Variants in ARID1B observed in about 807,000 individuals in gnomAD.
ARID1B encodes AT-rich interactive domain-containing protein 1B.
Under a neutral mutation model 212.3 loss-of-function variants are expected in ARID1B, and 30 were observed. The ratio of observed to expected loss-of-function variants is 0.14; its 90% CI spans 0.11 to 0.19. The LOEUF (loss-of-function observed/expected upper bound fraction) is 0.19. Among genes scored for constraint, ARID1B ranks in the 10% least tolerant of loss-of-function variants. The probability of loss-of-function intolerance (pLI) is 1.00; values close to 1 mark genes in which losing one functional copy is unlikely to be tolerated. For missense variants in ARID1B, 2,891 were observed against 3,204.0 expected, an observed-to-expected ratio of 0.90 and a Z score of 2.36; for synonymous variants, 1,402 against 1,301.7, an observed-to-expected ratio of 1.08 and a Z score of -1.66.
chr6:156,917,078 C>T (rs1350587472), intron 3 of ARID1B, among the ~76,000 whole-genome samples: 1 of 152,036 alleles, frequency 6.6e-6, no homozygotes, highest in Non-Finnish European at 1.5e-5. Flanking sequence ...GCCAGAAAAA[C>T]CTTTTTCTTT....
At chr6:156,876,985 C>T (rs1786613435) in intron 2 of ARID1B, among the ~76,000 whole-genome samples, 1 of 152,090 alleles carries the variant, frequency 6.6e-6, no homozygotes, top group Non-Finnish European at 1.5e-5. Flanking sequence ...ACCTCTGCCT[C>T]GCAGGTTCAA....
Position 157,201,398 on chromosome 6 carries a change from A to G in ARID1B, c.5173A>G (p.Ile1725Val), listed in dbSNP as rs1273529067. 12 of 1,593,866 alleles carry G rather than the reference A, an allele frequency of 7.5e-6. No individual in the cohort carries two copies. In the African/African-American group the frequency reaches 8.1e-5, roughly 11 times the overall value. The change falls in exon 18 of 20, where the codon ATC becomes GTC. Residue 1725 changes from isoleucine (I) to valine (V), a missense_variant. Around this residue, in one of 7 missense-constraint regions of ARID1B, gnomAD observed 666 missense variants for 873.5 expected, o/e 0.76. Transcript: ENST00000636930. The surrounding 1 kb of genome is among the most constrained non-coding windows in gnomAD (Gnocchi z 5.2). ...VTGPPPQPPP[I>V]RREITFPPGS... ...CGGGCCACCACCCCAACCACCCCCA[A>G]TCAGAAGGGAGATCACCTTTCCTCC...
Position 157,039,674 on chromosome 6 carries a change from C to CTTCT in ARID1B, c.2248-44985_2248-44984insTTTC, listed in dbSNP as rs1166401045. On this transcript the variant is annotated intron_variant, in intron 4 of 19. Transcript: ENST00000636930. ...CCTTCCTTCCTTCCTTCCTTCCTTC[C>CTTCT]TTCCTTCCTTCCTTCCTTCCTTCTT... Among the ~76,000 whole-genome samples the CTTCT allele has an allele frequency of 3.2e-3, 248 of 76,972 alleles. 1 individual carries two copies. The highest frequency in any genetic ancestry group is 0.015 in the African/African-American group (241 of 15,952). 50.5% of individuals were successfully genotyped at this position (76,972 alleles called of 152,430 possible).
Position 157,184,252 on chromosome 6 carries a change from C to T in ARID1B, c.3736C>T (p.Arg1246Cys), listed in dbSNP as rs960166468. ...CTAGGTTAATAAAAACAAGAAGTGG[C>T]GTGAGCTGGCAACCAACCTAAACGT... is the stretch of plus-strand genomic sequence containing the variant. The part of the protein sequence containing the change: ...LAQVNKNKKW[R>C]ELATNLNVGT... Residue 1246 changes from arginine to cysteine, a missense_variant, in exon 13 of 20, where the codon CGT becomes TGT. Coordinates refer to ENST00000636930, the MANE Select transcript of ARID1B (RefSeq NM_001374828.1). 2 of 1,610,580 alleles carry T rather than the reference C, an allele frequency of 1.2e-6. No individual in the cohort carries two copies. The highest frequency in any genetic ancestry group is 2.2e-5 in the East Asian group (1 of 44,808).
intron 4 of ARID1B, among the ~76,000 whole-genome samples, chr6:156,989,159 C>T (rs1337609065): frequency 6.6e-6 from 1 of 152,116 alleles, no homozygotes; most frequent in African/African-American, 2.4e-5. Flanking sequence ...ATATTTTATT[C>T]GTATTACTCC....
chr6:157,021,042 G>A (rs1294777205), intron 4 of ARID1B, among the ~76,000 whole-genome samples: 2 of 125,966 alleles, frequency 1.6e-5, no homozygotes, highest in Non-Finnish European at 3.2e-5. Flanking sequence ...ACCCGTCCCT[G>A]CCCGGATGCC....
chr6:157,202,548 A>C (rs1794177339), intron 18 of ARID1B, among the ~76,000 whole-genome samples: 1 of 151,972 alleles, frequency 6.6e-6, no homozygotes, highest in East Asian at 1.9e-4. Flanking sequence ...ATTAGCCAAA[A>C]GTGAGATTCA....
chr6:157,199,514 T>C (rs1793957515), intron 17 of ARID1B, among the ~76,000 whole-genome samples: 1 of 151,698 alleles, frequency 6.6e-6, no homozygotes, highest in African/African-American at 2.4e-5. Flanking sequence ...TACAGGACTT[T>C]GCTGTTTTTA....
At chr6:156,990,381 A>G (rs987182076) in intron 4 of ARID1B, among the ~76,000 whole-genome samples, 18 of 151,974 alleles carry the variant, frequency 1.2e-4, no homozygotes, top group East Asian at 7.8e-4. Flanking sequence ...TGTGGCTCAC[A>G]CCTGTAATCC....
chr6:157,189,676 C>T lies in ARID1B; in HGVS notation c.3954C>T (p.Pro1318=). 6.2e-7 allele frequency: 1 copy of T among 1,613,838 alleles called. No homozygotes were observed. Residue 1318 remains proline, a synonymous_variant, in exon 14 of 20, where the codon CCC becomes CCT. Coordinates refer to ENST00000636930, the MANE Select transcript of ARID1B (RefSeq NM_001374828.1). ...GATCCTTGCAAGGCCCACAGACCCC[C>T]CAGTCAACTGGCAGCAATTCCATGG... The part of the protein sequence containing the change: ...NSGSLQGPQT[P]QSTGSNSMAE...
rs1778878923 is a variant in ARID1B at position 156,778,651 on chromosome 6, G to A, written c.971G>A (p.Ser324Asn). The A allele has an allele frequency of 6.7e-7, 1 of 1,481,758 alleles. No homozygotes were observed. The highest frequency in any genetic ancestry group is 9.0e-7 in the Non-Finnish European group (1 of 1,112,604). 91.8% of individuals were successfully genotyped at this position (1,481,758 alleles called of 1,614,324 possible). A position where few individuals can be genotyped will look rare whatever the true frequency, so the allele number is the denominator to read the frequency against. The change falls in exon 1 of 20, where the codon AGC (serine) becomes AAC (asparagine). Residue 324 changes from serine to asparagine, a missense_variant. Around this residue, in one of 7 missense-constraint regions of ARID1B, gnomAD observed 1,643 missense variants for 1,544.0 expected, o/e 1.06. Coordinates refer to ENST00000636930, the MANE Select transcript of ARID1B (RefSeq NM_001374828.1). The part of the protein sequence containing the change: ...NNYYGSAAPA[S>N]GGPGGRAGPC... ...TACTATGGCAGCGCTGCCCCTGCGA[G>A]CGGCGGCCCCGGCGGCCGCGCTGGG...
chr6:157,155,203 C>T (rs1194734452), intron 8 of ARID1B, among the ~76,000 whole-genome samples: 1 of 152,134 alleles, frequency 6.6e-6, no homozygotes, highest in Non-Finnish European at 1.5e-5. Flanking sequence ...GGCACAAGGG[C>T]GGGTTTGAGT....
intron 5 of ARID1B, among the ~76,000 whole-genome samples, chr6:157,109,232 G>A (rs1171015556): frequency 6.6e-6 from 1 of 152,152 alleles, no homozygotes; most frequent in African/African-American, 2.4e-5. Context: ...TGTGCTGAAT[G>A]TGCCCTGACC....
intron 11 of ARID1B, among the ~76,000 whole-genome samples, chr6:157,177,811 C>T (rs1382139597): frequency 2.6e-5 from 4 of 152,124 alleles, no homozygotes; most frequent in Non-Finnish European, 5.9e-5. Flanking sequence ...AACACTGAGG[C>T]GGTACTAGGT....
chr6:156,826,192 C>CTGGG, intron 1 of ARID1B, among the ~76,000 whole-genome samples: 1 of 152,192 alleles, frequency 6.6e-6, no homozygotes, highest in Non-Finnish European at 1.5e-5. Flanking sequence ...TGGGGCAAAG[C>CTGGG]ACCCTCTTTC....
chr6:157,032,819 AC>A (rs1781095450), intron 4 of ARID1B, among the ~76,000 whole-genome samples: 2 of 151,976 alleles, frequency 1.3e-5, no homozygotes, highest in South Asian at 4.1e-4. Context: ...TATATGACTC[AC>A]CCCCACCTTT....
chr6:157,136,602 C>G (rs928359815), intron 7 of ARID1B, among the ~76,000 whole-genome samples: 11 of 152,216 alleles, frequency 7.2e-5, no homozygotes, highest in Non-Finnish European at 1.5e-5. Context: ...TGGCTCAAGC[C>G]TGTAATCCCA....
chr6:157,026,412 T>G (rs139396598), intron 4 of ARID1B, among the ~76,000 whole-genome samples: 236 of 152,374 alleles, frequency 1.5e-3, no homozygotes, highest in African/African-American at 5.4e-3. Flanking sequence ...GACTTTATTA[T>G]TTAATGTCAA....
chr6:156,935,362 G>A, intron 3 of ARID1B, 104 bp from the exon 4 acceptor site: 1 of 951,418 alleles, frequency 1.1e-6, no homozygotes, highest in Non-Finnish European at 1.6e-6. Flanking sequence ...TTACAGGCAT[G>A]AGCCACTGTG....
Sources: gnomAD v4.1 joint callset for allele counts (sites outside exome capture counted in the v4.1 genomes callset) on GRCh38, gnomAD v4.1.1 for gene constraint, gnomAD v4.1.1 regional missense constraint, Gnocchi (gnomAD v3.1) non-coding constraint, MANE v1.5 for transcripts, NCBI Gene and HGNC (gene_info 2026-07-23, HGNC 2026-07-21) for gene names.